Variants in SUPT3H observed in about 807,000 individuals in gnomAD.
SUPT3H encodes the protein SPT3 homolog, SAGA and STAGA complex component.
Under a neutral mutation model 44.3 loss-of-function variants are expected in SUPT3H, and 44 were observed. That is an observed-to-expected ratio of 0.99 (90% confidence interval 0.78 to 1.28). The LOEUF (loss-of-function observed/expected upper bound fraction) is 1.28. Ranked by LOEUF, SUPT3H falls within the 50% of genes most tolerant of loss-of-function variation. SUPT3H has a pLI of 0.00. For synonymous variants in SUPT3H, 124 were observed against 125.6 expected, an observed-to-expected ratio of 0.99 and a Z score of 0.09; for missense variants, 380 against 387.1, an observed-to-expected ratio of 0.98 and a Z score of 0.15.
At chr6:44,846,386 A>G (rs2153418669) in intron 10 of SUPT3H, among the ~76,000 whole-genome samples, 1 of 152,172 alleles carries the variant, frequency 6.6e-6, no homozygotes, top group Non-Finnish European at 1.5e-5. Context: ...ACAGATAGTG[A>G]CAAGAGGCTC....
chr6:44,889,783 G>A (rs1762979659), intron 10 of SUPT3H, among the ~76,000 whole-genome samples: 2 of 152,182 alleles, frequency 1.3e-5, no homozygotes, highest in South Asian at 2.1e-4. Flanking sequence ...AAACTAAAGA[G>A]CTTCTGCACA....
At chr6:45,140,503 A>G (rs1805001595) in intron 2 of SUPT3H, among the ~76,000 whole-genome samples, 1 of 152,190 alleles carries the variant, frequency 6.6e-6, no homozygotes, top group African/African-American at 2.4e-5. Context: ...ATGAGAAAAC[A>G]ACAGCTAATT....
chr6:45,016,807 T>C (rs1260311472), intron 4 of SUPT3H, among the ~76,000 whole-genome samples: 1 of 152,148 alleles, frequency 6.6e-6, no homozygotes, highest in Non-Finnish European at 1.5e-5. Flanking sequence ...TAAACATACA[T>C]GTGCATGTGT....
At chr6:44,948,831 G>A (rs1182197630) in intron 9 of SUPT3H, among the ~76,000 whole-genome samples, 2 of 152,098 alleles carry the variant, frequency 1.3e-5, no homozygotes, top group African/African-American at 4.8e-5. Context: ...AAGACAGTGT[G>A]GTGATTCCTC....
intron 4 of SUPT3H, among the ~76,000 whole-genome samples, chr6:45,016,360 C>T (rs9395059): frequency 0.97 from 146,547 of 151,852 alleles, 70,747 homozygotes; most frequent in East Asian, 1. Context: ...TTTATTATTA[C>T]TATACTTTAA....
At chr6:45,103,571 A>G (rs1798884918) in intron 3 of SUPT3H, among the ~76,000 whole-genome samples, 1 of 152,208 alleles carries the variant, frequency 6.6e-6, no homozygotes, top group South Asian at 2.1e-4. Context: ...CATGGCAGAA[A>G]AAATAGTAAA....
chr6:45,054,792 A>G (rs1790863127), intron 3 of SUPT3H, among the ~76,000 whole-genome samples: 1 of 152,154 alleles, frequency 6.6e-6, no homozygotes, highest in African/African-American at 2.4e-5. Flanking sequence ...GTACACCCTG[A>G]GCAGACTATG....
chr6:45,185,413 T>C (rs186646082), intron 2 of SUPT3H, among the ~76,000 whole-genome samples: 65 of 152,306 alleles, frequency 4.3e-4, no homozygotes, highest in African/African-American at 1.5e-3. Context: ...CAAAGAGACT[T>C]GTGAAAACTG....
intron 10 of SUPT3H, among the ~76,000 whole-genome samples, chr6:44,910,958 G>A (rs1173939019): frequency 7.0e-5 from 8 of 114,468 alleles, no homozygotes; most frequent in African/African-American, 2.7e-4. Flanking sequence ...TCATGCCACC[G>A]CACTCCAGCC....
At chr6:44,855,582 A>T (rs1220896148) in intron 10 of SUPT3H, among the ~76,000 whole-genome samples, 1 of 152,070 alleles carries the variant, frequency 6.6e-6, no homozygotes, top group African/African-American at 2.4e-5. Flanking sequence ...TATTGCAGGG[A>T]ATCAAGAATT....
chr6:45,049,074 T>C (rs570295735), intron 3 of SUPT3H, among the ~76,000 whole-genome samples: 23 of 152,304 alleles, frequency 1.5e-4, no homozygotes, highest in Middle Eastern at 3.4e-3. Context: ...GTAATACATA[T>C]ATTAATTAGC....
intron 10 of SUPT3H, among the ~76,000 whole-genome samples, chr6:44,926,737 G>C (rs994918201): frequency 6.6e-6 from 1 of 152,074 alleles, no homozygotes; most frequent in African/African-American, 2.4e-5. Flanking sequence ...GTTTCTATTT[G>C]TTAAGGTCGT....
intron 2 of SUPT3H, among the ~76,000 whole-genome samples, chr6:45,213,277 G>A (rs1021987933): frequency 6.6e-5 from 10 of 152,004 alleles, no homozygotes; most frequent in African/African-American, 2.4e-4. Context: ...TGAATATAAA[G>A]AAAACTGAAT....
intron 4 of SUPT3H, among the ~76,000 whole-genome samples, chr6:45,018,447 A>G (rs893670188): frequency 6.6e-6 from 1 of 151,620 alleles, no homozygotes; most frequent in African/African-American, 2.4e-5. Flanking sequence ...GAATGCTTCC[A>G]GTTTTTGCCC....
chr6:44,855,780 A>T (rs1261513500), intron 10 of SUPT3H, among the ~76,000 whole-genome samples: 1 of 151,856 alleles, frequency 6.6e-6, no homozygotes, highest in African/African-American at 2.4e-5. Context: ...ACTACTTCAG[A>T]GGCAGTCAAG....
chr6:45,220,659 A>T (rs1765879495), intron 2 of SUPT3H, among the ~76,000 whole-genome samples: 1 of 152,216 alleles, frequency 6.6e-6, no homozygotes, highest in African/African-American at 2.4e-5. Context: ...TAATGACATT[A>T]CTGTCTGCAT....
intron 2 of SUPT3H, among the ~76,000 whole-genome samples, chr6:45,237,109 G>A (rs1047324096): frequency 6.6e-6 from 1 of 152,140 alleles, no homozygotes; most frequent in African/African-American, 2.4e-5. Context: ...TAAACGAATA[G>A]GAGGATTTGG....
At chr6:45,017,526 G>A (rs1441139433) in intron 4 of SUPT3H, among the ~76,000 whole-genome samples, 7 of 152,206 alleles carry the variant, frequency 4.6e-5, no homozygotes, top group Admixed American at 2.0e-4. Context: ...TTTTGTATAA[G>A]GAGTAAGGAA....
intron 3 of SUPT3H, among the ~76,000 whole-genome samples, chr6:45,088,920 G>C (rs1451274424): frequency 6.6e-6 from 1 of 151,946 alleles, no homozygotes; most frequent in South Asian, 2.1e-4. Context: ...ATAAGTAGTT[G>C]AAGCTAAAAC....
Sources: gnomAD v4.1 joint callset for allele counts (sites outside exome capture counted in the v4.1 genomes callset) on GRCh38, gnomAD v4.1.1 for gene constraint, MANE v1.5 for transcripts, NCBI Gene and HGNC (gene_info 2026-07-23, HGNC 2026-07-21) for gene names.